OR51B5: variants seen among roughly 807,000 people sequenced by gnomAD.
OR51B5 encodes the protein olfactory receptor family 51 subfamily B member 5.
For synonymous variants in OR51B5, 186 were observed against 144.8 expected (o/e 1.28, Z -2.04); for missense variants, 456 against 374.6 (o/e 1.22, Z -1.79).
chr11:5,483,472 C>T (rs1851455493), intron 1 of OR51B5, among the ~76,000 whole-genome samples: 2 of 133,144 alleles, frequency 1.5e-5, no homozygotes, highest in African/African-American at 5.7e-5. Context: ...CTAACCTGCA[C>T]AACGTGCACA....
chr11:5,344,491 A>G (rs1848959594), upstream of OR51B5, among the ~76,000 whole-genome samples: 1 of 152,108 alleles, frequency 6.6e-6, no homozygotes, highest in Admixed American at 6.5e-5. Flanking sequence ...GTTCTCCCCA[A>G]TACTGAGTGA....
Position 5,408,188 on chromosome 11 carries a change from A to G in OR51B5, n.85-61278T>C, listed in dbSNP as rs142011916. Among the ~76,000 whole-genome samples the G allele has an allele frequency of 2.3e-3, 354 of 152,112 alleles. 1 individual carries two copies. Among genetic ancestry groups the G allele is most frequent in the African/African-American group, 8.1e-3 (336 of 41,510 alleles). On this transcript the variant is annotated intron_variant and non_coding_transcript_variant, in intron 1 of 4. Transcript: ENST00000415970. ...CTGTTTACAGCAAGCTGCTTCATCC[A>G]TCTATAATGATTATTACTCTTCCTT...
At chr11:5,365,098 T>TA (rs1849345004) in intron 1 of OR51B5, among the ~76,000 whole-genome samples, 1 of 152,236 alleles carries the variant, frequency 6.6e-6, no homozygotes, top group Non-Finnish European at 1.5e-5. Context: ...ATGCTTGTAA[T>TA]AACCTTGAAT....
chr11:5,467,705 T>C (rs939017063), intron 1 of OR51B5, among the ~76,000 whole-genome samples: 1 of 152,244 alleles, frequency 6.6e-6, no homozygotes, highest in African/African-American at 2.4e-5. Flanking sequence ...CTCAGGCATG[T>C]GCTTAAGCTT....
chr11:5,380,523 G>T (rs958927731), intron 1 of OR51B5, among the ~76,000 whole-genome samples: 6 of 152,136 alleles, frequency 3.9e-5, no homozygotes, highest in African/African-American at 1.4e-4. Flanking sequence ...AGAGTCTGTT[G>T]TGAGTCTGGA....
At chr11:5,415,805 G>C (rs1415433623) in intron 1 of OR51B5, among the ~76,000 whole-genome samples, 2 of 152,130 alleles carry the variant, frequency 1.3e-5, no homozygotes, top group Non-Finnish European at 2.9e-5. Flanking sequence ...ACTGAAAAGA[G>C]TCCAGAACCA....
chr11:5,361,523 G>A (rs1849283444), intron 1 of OR51B5, among the ~76,000 whole-genome samples: 1 of 152,170 alleles, frequency 6.6e-6, no homozygotes, highest in African/African-American at 2.4e-5. Context: ...ACTCCAGTGT[G>A]TCTTGGCCTA....
At position 5,381,159 on chromosome 11, in the gene OR51B5, TTCTCTCTC is replaced by T. The variant is rs71050492; in HGVS notation, n.85-34257_85-34250del. On this transcript the variant is annotated intron_variant and non_coding_transcript_variant, in intron 1 of 4. Transcript: ENST00000415970. ...TCTCTCTCTGTCGCTCGCTCGCTGTTTCTCTCTCTCTCTCTCACACACACACAAACAAT... is the reference window on the plus strand; with the variant it reads ...TCTCTCTCTGTCGCTCGCTCGCTGTTTCTCTCTCACACACACACAAACAAT... 5.0e-3 allele frequency among the ~76,000 whole-genome samples: 556 copies of T among 110,130 alleles called. 12 individuals carry two copies. The highest frequency in any genetic ancestry group is 0.048 in the Admixed American group (508 of 10,642). The allele number at this position is 110,130 out of a possible 152,430, so 72.2% of individuals were successfully genotyped here.
chr11:5,357,477 A>T (rs1290196619), intron 1 of OR51B5, among the ~76,000 whole-genome samples: 2 of 152,120 alleles, frequency 1.3e-5, no homozygotes, highest in Admixed American at 1.3e-4. Context: ...TTCATAAAGC[A>T]AGTCCTTAGA....
intron 1 of OR51B5, among the ~76,000 whole-genome samples, chr11:5,404,146 G>C (rs2736524): frequency 4.6e-4 from 61 of 133,944 alleles, no homozygotes; most frequent in Non-Finnish European, 8.7e-4. Flanking sequence ...CTTCTGGGTC[G>C]GGGGCGGGGG....
chr11:5,480,378 A>G (rs1251878387), intron 1 of OR51B5, among the ~76,000 whole-genome samples: 4 of 152,146 alleles, frequency 2.6e-5, no homozygotes, highest in East Asian at 1.9e-4. Flanking sequence ...GGAAACTTAT[A>G]GCACTAAAGG....
intron 1 of OR51B5, among the ~76,000 whole-genome samples, chr11:5,449,746 A>G (rs1187997970): frequency 6.6e-6 from 1 of 152,180 alleles, no homozygotes; most frequent in Non-Finnish European, 1.5e-5. Context: ...AGTGGTCACA[A>G]CCTATCCCAT....
chr11:5,471,896 C>A lies in OR51B5; in HGVS notation n.84+33673G>T, dbSNP rs144500469. 2.2e-3 allele frequency among the ~76,000 whole-genome samples: 339 copies of A among 152,248 alleles called. 2 individuals carry two copies. Among genetic ancestry groups the A allele is most frequent in the African/African-American group, 7.6e-3 (315 of 41,534 alleles). On this transcript the variant is annotated intron_variant and non_coding_transcript_variant, in intron 1 of 4. Transcript: ENST00000415970. ...TGAAGGTGCTTATTCAGACTCCCGG[C>A]ACAAGATGTACTGAATAAATGGCAA...
chr11:5,402,457 G>A, intron 1 of OR51B5: 1 of 355,714 alleles, frequency 2.8e-6, no homozygotes, highest in Non-Finnish European at 5.5e-6. Context: ...GAAATAAGAA[G>A]TTTGGCCACA....
intron 1 of OR51B5, among the ~76,000 whole-genome samples, chr11:5,398,979 A>C (rs543988697): frequency 3.3e-5 from 5 of 152,068 alleles, no homozygotes; most frequent in South Asian, 2.1e-4. Context: ...AGCATTCAGG[A>C]CTCCCAACCC....
chr11:5,418,431 AC>A (rs1850274993), intron 1 of OR51B5, among the ~76,000 whole-genome samples: 1 of 132,548 alleles, frequency 7.5e-6, no homozygotes, highest in Non-Finnish European at 1.8e-5. Context: ...ACAAAACAAA[AC>A]AAAAAGAAAA....
At chr11:5,454,187 A>G in intron 1 of OR51B5, 2 of 1,605,782 alleles carry the variant, frequency 1.2e-6, no homozygotes, top group Non-Finnish European at 1.7e-6. Context: ...CCCGTGAGGA[A>G]CGCCTCAAAG....
intron 1 of OR51B5, among the ~76,000 whole-genome samples, chr11:5,397,495 A>C (rs1448422740): frequency 6.6e-6 from 1 of 151,426 alleles, no homozygotes; most frequent in East Asian, 1.9e-4. Context: ...TCAAAACCAC[A>C]ATGAGATACC....
chr11:5,346,038 TCTTA>T (rs1269974067), upstream of OR51B5: 8 of 152,334 alleles, frequency 5.3e-5, no homozygotes, highest in Admixed American at 3.3e-4. Flanking sequence ...CTGTCAACAC[TCTTA>T]CTTCTCTGAC....
Sources: allele counts gnomAD v4.1 joint callset (sites outside exome capture counted in the v4.1 genomes callset), GRCh38; gene constraint gnomAD v4.1.1; transcripts MANE v1.5; gene names NCBI Gene and HGNC (gene_info 2026-07-23, HGNC 2026-07-21).